Variants in RPS6KB1 observed in about 807,000 individuals in gnomAD.
RPS6KB1 encodes the protein ribosomal protein S6 kinase B1.
In RPS6KB1, 12 loss-of-function variants were observed where a neutral mutation model predicts 70.2. The observed-to-expected ratio is 0.17, with a 90% confidence interval of 0.11 to 0.28. The LOEUF (loss-of-function observed/expected upper bound fraction) is 0.28. Ranked by LOEUF, RPS6KB1 falls within the 10% of genes least tolerant of loss-of-function variation. The probability of loss-of-function intolerance (pLI) is 1.00; values close to 1 mark genes in which losing one functional copy is unlikely to be tolerated. For synonymous variants in RPS6KB1, 175 were observed against 211.2 expected (o/e 0.83, Z 1.49); for missense variants, 270 against 646.6 (o/e 0.42, Z 6.32).
At chr17:59,939,195 T>G (rs141864658) in intron 12 of RPS6KB1, among the ~76,000 whole-genome samples, 3,461 of 152,318 alleles carry the variant, frequency 0.023, 57 homozygotes, top group Non-Finnish European at 0.036. Context: ...GTGTGTGTGT[T>G]TTTTTCTTTT....
At position 59,934,426 on chromosome 17, in the gene RPS6KB1, C is replaced by T; in HGVS notation, c.780-8C>T. 1 of 1,611,884 alleles carries T rather than the reference C, an allele frequency of 6.2e-7. No individual in the cohort carries two copies. The highest frequency in any genetic ancestry group is 8.5e-7 in the Non-Finnish European group (1 of 1,178,212). ...GAATTTTTAAGCATATTATTTTCCT[C>T]ATTGTAGGGCCCCTGAAATCTTGAT... On this transcript the variant is annotated splice_region_variant and splice_polypyrimidine_tract_variant and intron_variant, in intron 8 of 14. Transcript: ENST00000225577. The surrounding 1 kb of genome is among the most constrained non-coding windows in gnomAD (Gnocchi z 4.8).
Position 59,926,533 on chromosome 17 carries a change from T to C in RPS6KB1, c.480T>C (p.Tyr160=), listed in dbSNP as rs771010460. Residue 160 remains tyrosine, a synonymous_variant, in exon 5 of 15, where the codon TAT becomes TAC. Coordinates refer to ENST00000225577, the MANE Select transcript of RPS6KB1 (RefSeq NM_003161.4). ...ATCCCTTCATCGTGGATTTAATTTA[T>C]GCCTTTCAGACTGGTGGAAAACTCT... ...VKHPFIVDLI[Y]AFQTGGKLYL... is the part of the protein sequence containing the mutation. 3.1e-6 allele frequency: 5 copies of C among 1,612,806 alleles called. No homozygotes were observed. The Admixed American group carries it at 8.3e-5, about 27-fold the overall frequency.
rs1271776876 is a variant in RPS6KB1, at chr17:59,949,132, A to G, written c.*2344A>G. ...CATTAATTGCACAGCTACCATCCAC[A>G]CAAATACATAGTTTTTCTGACTTCA... On this transcript the variant is annotated 3_prime_UTR_variant, in exon 15 of 15. Coordinates refer to ENST00000225577, the MANE Select transcript of RPS6KB1 (RefSeq NM_003161.4). 6.6e-6 allele frequency: 1 copy of G among 152,584 alleles called. No individual in the cohort carries two copies. The highest frequency in any genetic ancestry group is 2.4e-5 in the African/African-American group (1 of 41,448). 9.5% of individuals were successfully genotyped at this position (152,584 alleles called of 1,614,324 possible). A position where few individuals can be genotyped will look rare whatever the true frequency, so the allele number is the denominator to read the frequency against.
At position 59,949,410 on chromosome 17, in the gene RPS6KB1, T is replaced by C. The variant is rs2045096386; in HGVS notation, c.*2622T>C. 1 of 152,640 alleles carries C rather than the reference T, an allele frequency of 6.6e-6. No homozygotes were observed. Among genetic ancestry groups the C allele is most frequent in the Non-Finnish European group, 1.5e-5 (1 of 68,006 alleles). 9.5% of individuals were successfully genotyped at this position (152,640 alleles called of 1,614,324 possible). A position where few individuals can be genotyped will look rare whatever the true frequency, so the allele number is the denominator to read the frequency against. On this transcript the variant is annotated 3_prime_UTR_variant, in exon 15 of 15. Coordinates refer to ENST00000225577, the MANE Select transcript of RPS6KB1 (RefSeq NM_003161.4). Reference sequence around the variant, plus strand: ...TTCTTTATGTTATACCAGGTAAGTGTATAAAAGAGATTAAGTGCTTTTTTT... The same window carrying C: ...TTCTTTATGTTATACCAGGTAAGTGCATAAAAGAGATTAAGTGCTTTTTTT...
Position 59,934,213 on chromosome 17 carries a change from T to C in RPS6KB1, c.732T>C (p.Ile244=), listed in dbSNP as rs376961948. The C allele has an allele frequency of 6.2e-7, 1 of 1,611,538 alleles. No homozygotes were observed. The highest frequency in any genetic ancestry group is 8.5e-7 in the Non-Finnish European group (1 of 1,177,826). The change falls in exon 8 of 15, where the codon ATT becomes ATC. Residue 244 remains isoleucine (I), a synonymous_variant. Transcript: ENST00000225577. The surrounding 1 kb of genome is among the most constrained non-coding windows in gnomAD (Gnocchi z 4.8). ...ACTTTGGACTATGCAAAGAATCTAT[T>C]CATGATGGAACAGTCACACACACAT... The part of the protein sequence containing the change: ...LTDFGLCKES[I]HDGTVTHTFC...
At chr17:59,894,033 G>A (rs1568356956) in intron 1 of RPS6KB1, 1 of 750,654 alleles carries the variant, frequency 1.3e-6, no homozygotes, top group Non-Finnish European at 1.6e-6. Context: ...GAAGATGTCT[G>A]TATTTTTTTC....
chr17:59,911,881 C>A (rs1209814110), intron 2 of RPS6KB1, among the ~76,000 whole-genome samples: 1 of 152,078 alleles, frequency 6.6e-6, no homozygotes, highest in South Asian at 2.1e-4. Context: ...CAGGCATGAG[C>A]CACCACGCCC....
chr17:59,898,657 A>G (rs776827588), intron 1 of RPS6KB1, among the ~76,000 whole-genome samples: 97 of 151,818 alleles, frequency 6.4e-4, no homozygotes, highest in Non-Finnish European at 1.0e-3. Flanking sequence ...GGGTTTCACC[A>G]TGTTGGCCAG....
chr17:59,949,817 A>C lies in RPS6KB1; in HGVS notation c.*3029A>C, dbSNP rs550100707. ...TCTTTACTATAGGTAATGAATGATT[A>C]TAAACAAGATGCATCTTAGATAGTA... is the stretch of plus-strand genomic sequence containing the variant. On this transcript the variant is annotated 3_prime_UTR_variant, in exon 15 of 15. Coordinates refer to ENST00000225577, the MANE Select transcript of RPS6KB1 (RefSeq NM_003161.4). 1.3e-5 allele frequency: 2 copies of C among 151,746 alleles called. No individual in the cohort carries two copies. The highest frequency in any genetic ancestry group is 2.9e-5 in the Non-Finnish European group (2 of 67,866). The allele number at this position is 151,746 out of a possible 1,614,324, so 9.4% of individuals were successfully genotyped here.
intron 1 of RPS6KB1, among the ~76,000 whole-genome samples, chr17:59,901,643 AAAAG>A (rs1394213033): frequency 6.7e-6 from 1 of 149,962 alleles, no homozygotes; most frequent in Non-Finnish European, 1.5e-5. Flanking sequence ...AAAAAAAAAA[AAAAG>A]AAAAAAAAAG....
intron 4 of RPS6KB1, among the ~76,000 whole-genome samples, chr17:59,923,794 C>T (rs1266340596): frequency 1.3e-5 from 2 of 152,126 alleles, no homozygotes; most frequent in African/African-American, 4.8e-5. Context: ...AGGTGTTAGC[C>T]ACCGTGCCCG....
intron 4 of RPS6KB1, among the ~76,000 whole-genome samples, chr17:59,922,997 G>T (rs548158136): frequency 8.1e-5 from 12 of 148,634 alleles, no homozygotes; most frequent in Non-Finnish European, 1.6e-4. Context: ...CTCCTGAGTC[G>T]CTGGGATAGG....
intron 13 of RPS6KB1, among the ~76,000 whole-genome samples, chr17:59,942,225 A>C (rs1383197908): frequency 1.3e-5 from 2 of 152,192 alleles, no homozygotes; most frequent in Non-Finnish European, 2.9e-5. Flanking sequence ...GAATACAGGC[A>C]TGAGCCACCG....
chr17:59,903,812 A>C (rs1340609002), intron 1 of RPS6KB1, among the ~76,000 whole-genome samples: 1 of 152,044 alleles, frequency 6.6e-6, no homozygotes, highest in African/African-American at 2.4e-5. Context: ...ACATCTTTCC[A>C]TTTGCTTATT....
rs772891661 is a variant in RPS6KB1, at chr17:59,935,219, G to A, written c.897G>A (p.Lys299=). The A allele has an allele frequency of 3.7e-6, 6 of 1,611,966 alleles. No individual in the cohort carries two copies. The South Asian group carries it at 5.5e-5, about 15-fold the overall frequency. ...CCCCATTCACTGGGGAGAATAGAAA[G>A]AAAACAATTGACAAAATCCTCAAAT... ...GAPPFTGENR[K]KTIDKILKCK... Residue 299 remains lysine (K), a synonymous_variant, in exon 10 of 15, where the codon AAG becomes AAA. Transcript: ENST00000225577.
intron 5 of RPS6KB1, among the ~76,000 whole-genome samples, chr17:59,928,748 T>G (rs2043769086): frequency 6.6e-6 from 1 of 152,234 alleles, no homozygotes; most frequent in Non-Finnish European, 1.5e-5. Flanking sequence ...TTATAACTCT[T>G]CTTAGTTTCC....
rs751907900 is a variant in RPS6KB1, at chr17:59,912,665, G to A, written c.192-19G>A. On this transcript the variant is annotated intron_variant, in intron 2 of 14. Coordinates refer to ENST00000225577, the MANE Select transcript of RPS6KB1 (RefSeq NM_003161.4). ...TTAACTTTTTGCAAATTTATTTTTG[G>A]TTTTGCTTTTCTTCCCAGTGGCATG... 1.2e-6 allele frequency: 2 copies of A among 1,601,800 alleles called. No homozygotes were observed. The highest frequency in any genetic ancestry group is 4.5e-5 in the East Asian group (2 of 44,692).
intron 12 of RPS6KB1, among the ~76,000 whole-genome samples, chr17:59,940,436 G>A (rs1325478907): frequency 4.6e-5 from 7 of 151,766 alleles, no homozygotes; most frequent in Admixed American, 2.0e-4. Flanking sequence ...ACAGGCACAC[G>A]CCACCATGCC....
intron 1 of RPS6KB1, among the ~76,000 whole-genome samples, chr17:59,903,790 T>G (rs892703471): frequency 1.3e-5 from 2 of 152,202 alleles, no homozygotes; most frequent in African/African-American, 4.8e-5. Flanking sequence ...CCCTAACAAC[T>G]AATGATGTTG....
Sources: gnomAD v4.1 joint callset for allele counts (sites outside exome capture counted in the v4.1 genomes callset) on GRCh38, gnomAD v4.1.1 for gene constraint, Gnocchi (gnomAD v3.1) non-coding constraint, MANE v1.5 for transcripts, NCBI Gene and HGNC (gene_info 2026-07-23, HGNC 2026-07-21) for gene names.